The following PRDM10 variants were observed in gnomAD, a reference collection of about 807,000 sequenced individuals.
The protein encoded by PRDM10 is PR domain zinc finger protein 10.
Under a neutral mutation model 133.1 loss-of-function variants are expected in PRDM10, and 65 were observed. That is an observed-to-expected ratio of 0.49 (90% CI 0.40 to 0.60). The LOEUF is 0.60. PRDM10 is among the 20% of genes least tolerant of loss of function. The probability of loss-of-function intolerance (pLI) is 0.00; values close to 1 mark genes in which losing one functional copy is unlikely to be tolerated. For missense variants in PRDM10, 1,137 were observed against 1,507.1 expected (o/e 0.75, Z 4.07); for synonymous variants, 582 against 580.4 (o/e 1.00, Z -0.04).
At chr11:129,998,724 A>C (rs936628249) in intron 1 of PRDM10, among the ~76,000 whole-genome samples, 16 of 151,936 alleles carry the variant, frequency 1.1e-4, no homozygotes, top group African/African-American at 3.6e-4. Context: ...CTACACAAGG[A>C]TGGTCAATGG....
chr11:130,000,767 T>G (rs1469011742), intron 1 of PRDM10, among the ~76,000 whole-genome samples: 1 of 152,150 alleles, frequency 6.6e-6, no homozygotes, highest in Non-Finnish European at 1.5e-5. Flanking sequence ...CCTGTTCACT[T>G]TAAAATGGTT....
chr11:129,910,188 G>A (rs1950141988), intron 19 of PRDM10, among the ~76,000 whole-genome samples: 1 of 152,176 alleles, frequency 6.6e-6, no homozygotes, highest in Non-Finnish European at 1.5e-5. Context: ...ATTGGTGGAA[G>A]GGATGACTCA....
intron 1 of PRDM10, among the ~76,000 whole-genome samples, chr11:129,998,340 A>C (rs1939168022): frequency 6.6e-6 from 1 of 152,128 alleles, no homozygotes. Flanking sequence ...GCTGTGGAGT[A>C]CAACTTTACC....
At position 129,947,598 on chromosome 11, in the gene PRDM10, C is replaced by A. The variant is rs1321389516; in HGVS notation, c.295-228G>T. The A allele has an allele frequency of 1.4e-6, 2 of 1,392,208 alleles. No homozygotes were observed. Among genetic ancestry groups the A allele is most frequent in the African/African-American group, 1.5e-5 (1 of 68,710 alleles). 86.2% of individuals were successfully genotyped at this position (1,392,208 alleles called of 1,614,324 possible). On this transcript the variant is annotated intron_variant, in intron 4 of 20. Transcript: ENST00000360871. This position sits in a 1 kb window ranked among gnomAD's most constrained non-coding sequence, Gnocchi z 4.6. ...TTAAGCCTCTGCCCTCCCTCTGCCCCTTCTGTCCCACACCTGGGAGGGCTG... is the reference window on the plus strand; with the variant it reads ...TTAAGCCTCTGCCCTCCCTCTGCCCATTCTGTCCCACACCTGGGAGGGCTG...
chr11:129,931,290 A>G, intron 10 of PRDM10, 32 bp from the exon 11 acceptor site: 2 of 1,589,974 alleles, frequency 1.3e-6, no homozygotes, highest in Non-Finnish European at 1.7e-6. Flanking sequence ...AATAGAGATC[A>G]GTGCCGGAGG....
chr11:129,958,000 A>T, intron 2 of PRDM10, 90 bp from the exon 3 acceptor site: 2 of 1,392,516 alleles, frequency 1.4e-6, no homozygotes, highest in Non-Finnish European at 2.0e-6. Context: ...ATCCCCAATG[A>T]CAGGAGAATG....
At chr11:129,961,624 G>A (rs550025601) in intron 1 of PRDM10, among the ~76,000 whole-genome samples, 1 of 151,740 alleles carries the variant, frequency 6.6e-6, no homozygotes, top group East Asian at 2.0e-4. Context: ...CTCTTTGGGA[G>A]GCCAAGATGG....
chr11:129,988,778 C>T (rs917363379), intron 1 of PRDM10, among the ~76,000 whole-genome samples: 8 of 152,038 alleles, frequency 5.3e-5, no homozygotes, highest in Admixed American at 2.0e-4. Context: ...TACAGGCGTC[C>T]GCCACCACAC....
At chr11:129,963,580 A>G (rs1422375509) in intron 1 of PRDM10, among the ~76,000 whole-genome samples, 1 of 152,174 alleles carries the variant, frequency 6.6e-6, no homozygotes, top group Non-Finnish European at 1.5e-5. Context: ...AGTTCCCTGC[A>G]TGTTAACATT....
chr11:129,967,077 T>C (rs1455484188), intron 1 of PRDM10, among the ~76,000 whole-genome samples: 1 of 152,260 alleles, frequency 6.6e-6, no homozygotes, highest in East Asian at 1.9e-4. Flanking sequence ...AAGTATATAA[T>C]TAAAATACTA....
At position 129,932,095 on chromosome 11, in the gene PRDM10, C is replaced by T; in HGVS notation, c.1287+7G>A. The T allele has an allele frequency of 6.2e-7, 1 of 1,613,418 alleles. No homozygotes were observed. Among genetic ancestry groups the T allele is most frequent in the Non-Finnish European group, 8.5e-7 (1 of 1,179,596 alleles). ...CCTAAGGAGGGCTCCTTCCCGTCCC[C>T]CCGTACCTGTGTCCCATCGTCACTC... On this transcript the variant is annotated splice_region_variant and intron_variant, in intron 10 of 20. Coordinates refer to ENST00000360871, the MANE Select transcript of PRDM10 (RefSeq NM_199437.2).
At chr11:129,951,082 G>T (rs901474105) in intron 4 of PRDM10, among the ~76,000 whole-genome samples, 1 of 152,218 alleles carries the variant, frequency 6.6e-6, no homozygotes, top group African/African-American at 2.4e-5. Flanking sequence ...GGAAAGAGCT[G>T]CTGACCATCA....
intron 19 of PRDM10, among the ~76,000 whole-genome samples, chr11:129,907,454 G>A (rs1015313681): frequency 3.9e-5 from 6 of 152,300 alleles, no homozygotes; most frequent in East Asian, 1.9e-4. Context: ...GCCCAGGCAG[G>A]AGTGCAGTGC....
At chr11:129,984,988 T>C (rs1477926876) in intron 1 of PRDM10, among the ~76,000 whole-genome samples, 1 of 152,176 alleles carries the variant, frequency 6.6e-6, no homozygotes, top group Non-Finnish European at 1.5e-5. Flanking sequence ...CTGCAAAGCA[T>C]TTACCGTCAG....
At chr11:129,925,882 C>T (rs1950665180) in intron 11 of PRDM10, among the ~76,000 whole-genome samples, 1 of 152,140 alleles carries the variant, frequency 6.6e-6, no homozygotes, top group South Asian at 2.1e-4. Context: ...TGCACAGCTT[C>T]AGAATGTTCT....
intron 20 of PRDM10, 113 bp downstream of exon 20, chr11:129,905,525 A>G: frequency 6.1e-6 from 5 of 826,090 alleles, no homozygotes; most frequent in Non-Finnish European, 1.0e-5. Flanking sequence ...AGAATTCATC[A>G]TCTACTGTGA....
At position 129,902,211 on chromosome 11, in the gene PRDM10, G is replaced by C; in HGVS notation, c.*102C>G. The C allele has an allele frequency of 1.4e-6, 2 of 1,442,320 alleles. No homozygotes were observed. The highest frequency in any genetic ancestry group is 1.9e-6 in the Non-Finnish European group (2 of 1,066,024). The allele number at this position is 1,442,320 out of a possible 1,614,324, so 89.3% of individuals were successfully genotyped here. A position where few individuals can be genotyped will look rare whatever the true frequency, so the allele number is the denominator to read the frequency against. ...ACAAAACTGTGGTTTCCGAACTCTT[G>C]AGTGAATAATAAATCTTACAAAAGA... is the stretch of plus-strand genomic sequence containing the variant. On this transcript the variant is annotated 3_prime_UTR_variant, in exon 21 of 21. Transcript: ENST00000360871.
Position 129,930,174 on chromosome 11 carries a change from ATGTAGAAAT to A in PRDM10, c.1530+833_1530+841del, listed in dbSNP as rs529332160. Among the ~76,000 whole-genome samples the A allele has an allele frequency of 7.7e-3, 1,180 of 152,356 alleles. 16 individuals are homozygous for A. Among genetic ancestry groups the A allele is most frequent in the African/African-American group, 0.027 (1,119 of 41,574 alleles). On this transcript the variant is annotated intron_variant, in intron 11 of 20. Transcript: ENST00000360871. ...AGAAACATACGCTGAACGATCATGC[ATGTAGAAAT>A]TGTAAAGCCTGGGAAGTTATACAAA... is the stretch of plus-strand genomic sequence containing the variant.
chr11:129,914,950 T>C lies in PRDM10; in HGVS notation c.2595A>G (p.Thr865=). The C allele has an allele frequency of 1.9e-6, 3 of 1,614,084 alleles. No individual in the cohort carries two copies. The highest frequency in any genetic ancestry group is 2.5e-6 in the Non-Finnish European group (3 of 1,180,000). ...EFAQLSNTIH[T]PLTTAVISAT... ...CACTGATCACAGCTGTCGTCAGTGG[T>C]GTGTGTATGGTGTTGGAGAGCTGGG... The change falls in exon 17 of 21, where the codon ACA becomes ACG. Residue 865 remains threonine (T), a synonymous_variant. Coordinates refer to ENST00000360871, the MANE Select transcript of PRDM10 (RefSeq NM_199437.2).
Sources: allele counts gnomAD v4.1 joint callset (sites outside exome capture counted in the v4.1 genomes callset), GRCh38; gene constraint gnomAD v4.1.1; non-coding constraint Gnocchi (gnomAD v3.1); transcripts MANE v1.5; gene names NCBI Gene and HGNC (gene_info 2026-07-23, HGNC 2026-07-21).